Variants in TULP4 observed in about 807,000 individuals in gnomAD.
TULP4 encodes tubby-related protein 4.
A neutral mutation model predicts 129.0 loss-of-function variants in TULP4; 16 were observed. The ratio of observed to expected loss-of-function variants is 0.12; its 90% confidence interval spans 0.08 to 0.19. The LOEUF is 0.19. TULP4 is among the 10% of genes least tolerant of loss of function. TULP4 has a pLI of 1.00. For synonymous variants in TULP4, 998 were observed against 854.0 expected (o/e 1.17, Z -2.94); for missense variants, 1,842 against 2,059.1 (o/e 0.89, Z 2.04).
At chr6:158,339,439 C>G (rs915020706) in intron 1 of TULP4, among the ~76,000 whole-genome samples, 1 of 152,144 alleles carries the variant, frequency 6.6e-6, no homozygotes, top group Admixed American at 6.5e-5. Context: ...ACCGGTCTGA[C>G]TAGAATTCGC....
At chr6:158,244,977 A>G (rs1777999928) in intron 1 of TULP4, among the ~76,000 whole-genome samples, 1 of 152,040 alleles carries the variant, frequency 6.6e-6, no homozygotes. Context: ...TGTTGGCAAT[A>G]TAATTTAGAC....
chr6:158,254,672 G>T (rs977805756), intron 1 of TULP4, among the ~76,000 whole-genome samples: 1 of 152,190 alleles, frequency 6.6e-6, no homozygotes, highest in Non-Finnish European at 1.5e-5. Flanking sequence ...AATATGTCAA[G>T]CACATATTTT....
Position 158,503,721 on chromosome 6 carries a change from T to C in TULP4, c.4058T>C (p.Ile1353Thr). The change falls in exon 13 of 14, where the codon ATC (isoleucine) becomes ACC (threonine). Residue 1353 changes from isoleucine to threonine, a missense_variant. By Grantham distance (89) the Ile-to-Thr change is moderately conservative. Coordinates refer to ENST00000367097, the MANE Select transcript of TULP4 (RefSeq NM_020245.5). The surrounding 1 kb of genome is among the most constrained non-coding windows in gnomAD (Gnocchi z 4.3). ...SRAEEGSVQAITEGKVKKEAR... is the reference protein window; with the variant it reads ...SRAEEGSVQATTEGKVKKEAR... ...GCAGAAGAAGGCAGCGTTCAGGCCA[T>C]CACTGAGGGCAAAGTGAAGAAGGAG... 8 of 1,614,044 alleles carry C rather than the reference T, an allele frequency of 5.0e-6. No homozygotes were observed. The highest frequency in any genetic ancestry group is 6.8e-6 in the Non-Finnish European group (8 of 1,180,030).
chr6:158,245,550 A>G (rs940647486), intron 1 of TULP4, among the ~76,000 whole-genome samples: 1 of 152,186 alleles, frequency 6.6e-6, no homozygotes, highest in African/African-American at 2.4e-5. Context: ...ATCACAATGC[A>G]AAGTGTGCAT....
chr6:158,248,169 T>C (rs1778063818), intron 1 of TULP4, among the ~76,000 whole-genome samples: 1 of 152,152 alleles, frequency 6.6e-6, no homozygotes, highest in African/African-American at 2.4e-5. Flanking sequence ...TGGCCGTGCA[T>C]GGTGGCTCAT....
At chr6:158,398,141 G>T (rs1777759862) in intron 1 of TULP4, among the ~76,000 whole-genome samples, 1 of 152,166 alleles carries the variant, frequency 6.6e-6, no homozygotes, top group African/African-American at 2.4e-5. Context: ...TCTGTGCTGG[G>T]CCTTTCTCCC....
At chr6:158,339,901 T>C (rs1780140713) in intron 1 of TULP4, among the ~76,000 whole-genome samples, 1 of 152,204 alleles carries the variant, frequency 6.6e-6, no homozygotes, top group East Asian at 1.9e-4. Context: ...AAGACAGGCA[T>C]AGGAAATCAC....
chr6:158,355,090 G>A (rs1329620116), intron 1 of TULP4, among the ~76,000 whole-genome samples: 3 of 151,358 alleles, frequency 2.0e-5, no homozygotes, highest in African/African-American at 7.3e-5. Flanking sequence ...TGTTGTTTTT[G>A]AGACAAAGTC....
intron 1 of TULP4, among the ~76,000 whole-genome samples, chr6:158,243,313 A>G (rs7747669): frequency 0.17 from 26,239 of 152,104 alleles, 2,700 homozygotes; most frequent in Middle Eastern, 0.24. Context: ...AATAATTACA[A>G]TACTATTATC....
chr6:158,488,936 G>A (rs1263513887), intron 8 of TULP4, among the ~76,000 whole-genome samples: 3 of 152,102 alleles, frequency 2.0e-5, no homozygotes, highest in Non-Finnish European at 4.4e-5. Flanking sequence ...TCATCTCACC[G>A]TCTGCCTGAA....
intron 1 of TULP4, among the ~76,000 whole-genome samples, chr6:158,303,633 G>A (rs1419970677): frequency 6.6e-6 from 1 of 152,168 alleles, no homozygotes; most frequent in Non-Finnish European, 1.5e-5. Context: ...TCAGTTTGGA[G>A]CTGATGTAAA....
chr6:158,306,415 G>A (rs932214555), intron 1 of TULP4, among the ~76,000 whole-genome samples: 26 of 152,148 alleles, frequency 1.7e-4, no homozygotes, highest in Admixed American at 8.5e-4. Context: ...AAAGTTAGCC[G>A]GGCATGGCGG....
intron 11 of TULP4, among the ~76,000 whole-genome samples, chr6:158,496,665 A>T (rs1186724636): frequency 6.6e-6 from 1 of 152,224 alleles, no homozygotes; most frequent in African/African-American, 2.4e-5. Context: ...TATCATGATT[A>T]TTCCCACATC....
At position 158,313,160 on chromosome 6, in the gene TULP4, C is replaced by T. The variant is rs1023761049; in HGVS notation, c.-857C>T. The stretch of plus-strand genomic sequence containing the variant: ...GCAAACACTGGGACCACTGTAAGAG[C>T]GCTGGAACATTCTGCCTCTTGAGTG... On this transcript the variant is annotated 5_prime_UTR_variant, in exon 1 of 14. Transcript: ENST00000367097. The T allele has an allele frequency of 8.1e-6, 2 of 246,198 alleles. No homozygotes were observed. Among genetic ancestry groups the T allele is most frequent in the Non-Finnish European group, 1.5e-5 (2 of 130,520 alleles). The allele number at this position is 246,198 out of a possible 1,614,324, so 15.3% of individuals were successfully genotyped here. A position where few individuals can be genotyped will look rare whatever the true frequency, so the allele number is the denominator to read the frequency against.
intron 1 of TULP4, among the ~76,000 whole-genome samples, chr6:158,298,854 T>C (rs897488108): frequency 1.8e-4 from 27 of 152,088 alleles, no homozygotes; most frequent in African/African-American, 6.3e-4. Context: ...CAATCCTAGG[T>C]GCCCGGGGAT....
chr6:158,394,594 T>A (rs897016182), intron 1 of TULP4, among the ~76,000 whole-genome samples: 1 of 151,484 alleles, frequency 6.6e-6, no homozygotes, highest in African/African-American at 2.4e-5. Context: ...CCATCCTGGC[T>A]AACATGGTGA....
At chr6:158,431,303 T>C (rs1485594100) in intron 3 of TULP4, among the ~76,000 whole-genome samples, 3 of 152,190 alleles carry the variant, frequency 2.0e-5, no homozygotes, top group African/African-American at 7.2e-5. Context: ...CAGGGCTTTT[T>C]AATGATCAAA....
Position 158,501,686 on chromosome 6 carries a change from G to A in TULP4, c.2023G>A (p.Ala675Thr). The change falls in exon 13 of 14, where the codon GCA becomes ACA. Residue 675 changes from alanine (A) to threonine (T), a missense_variant. Around this residue, in one of 5 missense-constraint regions of TULP4, gnomAD observed 99 missense variants for 165.1 expected, o/e 0.60. Transcript: ENST00000367097. ...TTCTAATTTTCTTCCAGTGACAGGA[G>A]CATCTGGTGTCCCTGAGAACAGCCC... ...EDEDDLPVTG[A>T]SGVPENSPPC... The A allele has an allele frequency of 4.4e-6, 7 of 1,604,126 alleles. No homozygotes were observed. Among genetic ancestry groups the A allele is most frequent in the Non-Finnish European group, 6.0e-6 (7 of 1,172,280 alleles).
chr6:158,323,123 C>G (rs1193681046), intron 1 of TULP4, among the ~76,000 whole-genome samples: 4 of 152,192 alleles, frequency 2.6e-5, no homozygotes, highest in African/African-American at 7.2e-5. Context: ...TGGAACCTGG[C>G]TGACAAGGAC....
Sources: gnomAD v4.1 joint callset for allele counts (sites outside exome capture counted in the v4.1 genomes callset) on GRCh38, gnomAD v4.1.1 for gene constraint, gnomAD v4.1.1 regional missense constraint, Gnocchi (gnomAD v3.1) non-coding constraint, MANE v1.5 for transcripts, NCBI Gene and HGNC (gene_info 2026-07-23, HGNC 2026-07-21) for gene names.